The following GARS1 variants were observed in gnomAD, a reference collection of about 807,000 sequenced individuals.
GARS1 encodes glycine--tRNA ligase.
A neutral mutation model predicts 86.4 loss-of-function variants in GARS1; 46 were observed. The ratio of observed to expected loss-of-function variants is 0.53; its 90% CI spans 0.42 to 0.68. The LOEUF (loss-of-function observed/expected upper bound fraction) is 0.68. GARS1 is among the 30% of genes least tolerant of loss of function. The pLI, the probability that GARS1 is intolerant of heterozygous loss-of-function variation, is 0.00. For missense variants in GARS1, 797 were observed against 915.6 expected (o/e 0.87, Z 1.67); for synonymous variants, 342 against 329.8 (o/e 1.04, Z -0.40).
chr7:30,618,990 G>A (rs1298082704), intron 10 of GARS1, among the ~76,000 whole-genome samples: 1 of 152,050 alleles, frequency 6.6e-6, no homozygotes, highest in African/African-American at 2.4e-5. Context: ...TTTTCCTTTT[G>A]TATGAGAAAA....
Position 30,595,030 on chromosome 7 carries a change from A to T in GARS1, c.109A>T (p.Ser37Cys), listed in dbSNP as rs2128131935. ...RPSLLLRRSL[S>C]AASCPPISLP... ...CTCGCTCCTGCTCCGCCGGTCCCTC[A>T]GCGCGGCCTCCTGCCCCCCGATCTC... Residue 37 changes from serine (S) to cysteine (C), a missense_variant, in exon 1 of 17, where the codon AGC (serine) becomes TGC (cysteine). Around this residue, in one of 2 missense-constraint regions of GARS1, gnomAD observed 199 missense variants for 176.9 expected, o/e 1.12. Transcript: ENST00000389266. 1 of 1,575,026 alleles carries T rather than the reference A, an allele frequency of 6.3e-7. No individual in the cohort carries two copies.
Position 30,595,598 on chromosome 7 carries a change from C to T in GARS1, c.222+455C>T, listed in dbSNP as rs868651482. ...ATTCTTTCAGTGGTCAATGATGAGCCGAAAAACTGCCGGTTCTTTCGTCTT... is the reference window on the plus strand; with the variant it reads ...ATTCTTTCAGTGGTCAATGATGAGCTGAAAAACTGCCGGTTCTTTCGTCTT... On this transcript the variant is annotated intron_variant, in intron 1 of 16. Coordinates refer to ENST00000389266, the MANE Select transcript of GARS1 (RefSeq NM_002047.4). Among the ~76,000 whole-genome samples the T allele has an allele frequency of 4.6e-5, 7 of 152,170 alleles. No homozygotes were observed. In the South Asian group the frequency reaches 1.0e-3, roughly 22 times the overall value.
intron 13 of GARS1, 121 bp downstream of exon 13, chr7:30,626,440 G>A (rs561679225): frequency 5.4e-5 from 37 of 688,730 alleles, no homozygotes; most frequent in African/African-American, 4.4e-4. Flanking sequence ...CTGCCTCCCC[G>A]GCTCAAGCGT....
Position 30,621,633 on chromosome 7 carries a change from C to G in GARS1, c.1467+133C>G, listed in dbSNP as rs1298070235. 5 of 765,766 alleles carry G rather than the reference C, an allele frequency of 6.5e-6. No homozygotes were observed. In the East Asian group the frequency reaches 1.2e-4, roughly 19 times the overall value. The allele number at this position is 765,766 out of a possible 1,614,324, so 47.4% of individuals were successfully genotyped here. ...ACACTGTAGTAACGCTTGTTTAAAC[C>G]TATTATTTTACCTATCCCTTTGTTC... On this transcript the variant is annotated intron_variant, in intron 11 of 16. Coordinates refer to ENST00000389266, the MANE Select transcript of GARS1 (RefSeq NM_002047.4).
intron 7 of GARS1, among the ~76,000 whole-genome samples, chr7:30,610,453 A>G (rs982394437): frequency 5.3e-5 from 8 of 152,228 alleles, no homozygotes; most frequent in Non-Finnish European, 1.0e-4. Context: ...TGATAGGGTA[A>G]GAGAGTAAGT....
At chr7:30,598,674 A>G in intron 1 of GARS1, 122 bp from the exon 2 acceptor site, 1 of 785,504 alleles carries the variant, frequency 1.3e-6, no homozygotes, top group Non-Finnish European at 2.2e-6. Context: ...GTGAGCCACC[A>G]CGCTTGGCCT....
At chr7:30,633,463 C>T (rs1476287885) in intron 16 of GARS1, among the ~76,000 whole-genome samples, 1 of 152,214 alleles carries the variant, frequency 6.6e-6, no homozygotes, top group Non-Finnish European at 1.5e-5. Flanking sequence ...ACACGAGTTA[C>T]TTGACTGAGT....
chr7:30,612,589 T>C (rs1014994410), intron 8 of GARS1, among the ~76,000 whole-genome samples: 2 of 141,844 alleles, frequency 1.4e-5, no homozygotes, highest in African/African-American at 2.6e-5. Flanking sequence ...TGGTGATGTG[T>C]ATAAAAGGGT....
At chr7:30,615,547 T>A (rs1053789378) in intron 8 of GARS1, among the ~76,000 whole-genome samples, 1 of 152,246 alleles carries the variant, frequency 6.6e-6, no homozygotes, top group Non-Finnish European at 1.5e-5. Context: ...TTTTTGGATG[T>A]AGCTGGAGGG....
In GARS1 at chr7:30,612,097, T is replaced by A. The variant is rs1782769087; in HGVS notation, c.883T>A (p.Tyr295Asn). ...AGACTGACTTACTTAAATTTATAGG[T>A]ACTTGAGACCAGAAACTGCACAGGG... ...FIGPGGNMPG[Y>N]LRPETAQGIF... Residue 295 changes from tyrosine (Y) to asparagine (N), a missense_variant and splice_region_variant, in exon 8 of 17, where the codon TAC (tyrosine) becomes AAC (asparagine). Physicochemically the swap from Tyr to Asn is moderately radical, Grantham distance 143. Around this residue, in one of 2 missense-constraint regions of GARS1, gnomAD observed 598 missense variants for 738.7 expected, o/e 0.81. Coordinates refer to ENST00000389266, the MANE Select transcript of GARS1 (RefSeq NM_002047.4). 1 of 1,613,248 alleles carries A rather than the reference T, an allele frequency of 6.2e-7. No individual in the cohort carries two copies. The highest frequency in any genetic ancestry group is 1.1e-5 in the South Asian group (1 of 91,066).
intron 10 of GARS1, among the ~76,000 whole-genome samples, chr7:30,617,779 A>C (rs1425769549): frequency 6.6e-6 from 1 of 152,196 alleles, no homozygotes; most frequent in African/African-American, 2.4e-5. Context: ...GACGATCTCC[A>C]GGTACCCTCC....
intron 8 of GARS1, 63 bp from the exon 9 acceptor site, chr7:30,615,833 T>G (rs1782879173): frequency 6.4e-6 from 10 of 1,572,962 alleles, no homozygotes; most frequent in African/African-American, 1.4e-5. Flanking sequence ...GAGGCCTTGT[T>G]TTTTGTTTGT....
chr7:30,611,071 G>T (rs1791589049), intron 7 of GARS1, among the ~76,000 whole-genome samples: 1 of 152,180 alleles, frequency 6.6e-6, no homozygotes, highest in Non-Finnish European at 1.5e-5. Context: ...TTATTCTGAA[G>T]TAGGCCATTG....
At chr7:30,601,279 T>G in intron 4 of GARS1, 79 bp downstream of exon 4, 2 of 1,261,932 alleles carry the variant, frequency 1.6e-6, no homozygotes, top group East Asian at 2.6e-5. Context: ...CTTATCTAAA[T>G]AACTTCCTGA....
At chr7:30,599,784 G>GA (rs1003650162) in intron 2 of GARS1, among the ~76,000 whole-genome samples, 163 bp from the exon 3 acceptor site, 42 of 151,856 alleles carry the variant, frequency 2.8e-4, no homozygotes, top group African/African-American at 1.0e-3. Context: ...TACTCAAAGG[G>GA]AAAAAAAGAC....
intron 1 of GARS1, 68 bp from the exon 2 acceptor site, chr7:30,598,728 A>G: frequency 7.2e-7 from 1 of 1,380,718 alleles, no homozygotes; most frequent in Non-Finnish European, 1.0e-6. Flanking sequence ...GGCACGCTTA[A>G]AAACACATTC....
chr7:30,624,442 A>G (rs148717084), intron 12 of GARS1, among the ~76,000 whole-genome samples: 3 of 152,364 alleles, frequency 2.0e-5, no homozygotes, highest in East Asian at 1.9e-4. Flanking sequence ...TATGGAATTT[A>G]TAACATGGAA....
chr7:30,600,969 G>A, intron 3 of GARS1, 90 bp from the exon 4 acceptor site: 1 of 1,180,738 alleles, frequency 8.5e-7, no homozygotes, highest in South Asian at 1.2e-5. Context: ...ACACTTTTAG[G>A]GAGTATAGGT....
Position 30,595,043 on chromosome 7 carries a change from GCC to G in GARS1, c.127_128del (p.Pro43AspfsTer18). ...CGCCGGTCCCTCAGCGCGGCCTCCT[GCC>G]CCCCGATCTCCTTGCCCGCCGCCGC... On this transcript the variant is annotated frameshift_variant, in exon 1 of 17. Transcript: ENST00000389266. LOFTEE classifies it high-confidence loss of function. 6.4e-7 allele frequency: 1 copy of G among 1,566,346 alleles called. No homozygotes were observed. Among genetic ancestry groups the G allele is most frequent in the East Asian group, 2.3e-5 (1 of 43,016 alleles).
Sources: gnomAD v4.1 joint callset for allele counts (sites outside exome capture counted in the v4.1 genomes callset) on GRCh38, gnomAD v4.1.1 for gene constraint, gnomAD v4.1.1 regional missense constraint, MANE v1.5 for transcripts, NCBI Gene and HGNC (gene_info 2026-07-23, HGNC 2026-07-21) for gene names.